PLEKHA2: variants seen among roughly 807,000 people sequenced by gnomAD.
The protein encoded by PLEKHA2 is pleckstrin homology domain-containing family A member 2.
In PLEKHA2, 28 loss-of-function variants were observed where a neutral mutation model predicts 53.2. The ratio of observed to expected loss-of-function variants is 0.53; its 90% CI spans 0.39 to 0.72. PLEKHA2 has a LOEUF of 0.72. Ranked by LOEUF, PLEKHA2 falls within the 30% of genes least tolerant of loss-of-function variation. PLEKHA2 has a pLI of 0.00. For missense variants in PLEKHA2, 426 were observed against 537.9 expected, an observed-to-expected ratio of 0.79 and a Z score of 2.06; for synonymous variants, 193 against 196.4, an observed-to-expected ratio of 0.98 and a Z score of 0.14.
chr8:38,950,831 T>C lies in PLEKHA2; in HGVS notation c.346-19T>C, dbSNP rs1230121427. The C allele has an allele frequency of 6.2e-7, 1 of 1,608,062 alleles. No homozygotes were observed. Among genetic ancestry groups the C allele is most frequent in the African/African-American group, 1.3e-5 (1 of 74,790 alleles). ...TAAATGTTCTGTTCCCCATTGATTG[T>C]TGCTGCCGCTCACCCCAGGTTCCCA... is the stretch of plus-strand genomic sequence containing the variant. On this transcript the variant is annotated intron_variant, in intron 5 of 11. Coordinates refer to ENST00000617275, the MANE Select transcript of PLEKHA2 (RefSeq NM_021623.2).
At chr8:38,907,652 T>G (rs994668231) in intron 1 of PLEKHA2, among the ~76,000 whole-genome samples, 1 of 151,254 alleles carries the variant, frequency 6.6e-6, no homozygotes, top group African/African-American at 2.4e-5. Context: ...TCCCAGCCAC[T>G]CAGGAGGCTG....
chr8:38,935,408 C>G (rs989877064), intron 2 of PLEKHA2, among the ~76,000 whole-genome samples: 9 of 151,246 alleles, frequency 6.0e-5, no homozygotes, highest in African/African-American at 2.2e-4. Context: ...GGTTAAGGAA[C>G]TTGTTCACAG....
intron 1 of PLEKHA2, among the ~76,000 whole-genome samples, chr8:38,909,007 G>A (rs1382144729): frequency 1.3e-5 from 2 of 152,146 alleles, no homozygotes; most frequent in Non-Finnish European, 2.9e-5. Flanking sequence ...GCTGGGCGTG[G>A]TGGTGCACGC....
At position 38,950,918 on chromosome 8, in the gene PLEKHA2, G is replaced by T. The variant is rs528896922; in HGVS notation, c.414G>T (p.Leu138=). 5 of 1,614,010 alleles carry T rather than the reference G, an allele frequency of 3.1e-6. No homozygotes were observed. The Admixed American group carries it at 8.3e-5, about 27-fold the overall frequency. Residue 138 remains leucine (L), a synonymous_variant, in exon 6 of 12, where the codon CTG becomes CTT. Transcript: ENST00000617275. ...VLKSLAAPPA[L]EKKPQVAYKT... is the part of the protein sequence containing the mutation. Reference sequence around the variant, plus strand: ...AGAGCTTAGCAGCTCCTCCAGCCCTGGAGAAGAAGCCACAGGTGGCCTACA... The same window carrying T: ...AGAGCTTAGCAGCTCCTCCAGCCCTTGAGAAGAAGCCACAGGTGGCCTACA...
chr8:38,934,811 C>T (rs1834461857), intron 2 of PLEKHA2, among the ~76,000 whole-genome samples: 1 of 132,564 alleles, frequency 7.5e-6, no homozygotes, highest in African/African-American at 2.8e-5. Flanking sequence ...ATGGGCTGAA[C>T]AGATGTATAT....
chr8:38,936,995 C>T (rs960722482), intron 3 of PLEKHA2, among the ~76,000 whole-genome samples: 5 of 152,330 alleles, frequency 3.3e-5, no homozygotes, highest in East Asian at 1.9e-4. Flanking sequence ...AAGGGTCTAT[C>T]GGCTCCATCT....
intron 10 of PLEKHA2, among the ~76,000 whole-genome samples, chr8:38,965,452 C>T (rs965938639): frequency 6.6e-6 from 1 of 152,162 alleles, no homozygotes; most frequent in Non-Finnish European, 1.5e-5. Context: ...ATGTTCCTGT[C>T]TGTTTAATGA....
intron 9 of PLEKHA2, among the ~76,000 whole-genome samples, chr8:38,955,572 A>C (rs962250278): frequency 2.0e-5 from 3 of 152,110 alleles, no homozygotes; most frequent in Non-Finnish European, 4.4e-5. Context: ...ATTCTCAAAC[A>C]TCTCTTCCCT....
chr8:38,941,477 T>C (rs1834612171), intron 3 of PLEKHA2, among the ~76,000 whole-genome samples: 1 of 152,250 alleles, frequency 6.6e-6, no homozygotes, highest in Non-Finnish European at 1.5e-5. Flanking sequence ...TATAATGTTA[T>C]GTAGGCATTC....
intron 10 of PLEKHA2, among the ~76,000 whole-genome samples, chr8:38,966,908 G>C (rs1413778408): frequency 6.6e-6 from 1 of 151,742 alleles, no homozygotes; most frequent in East Asian, 1.9e-4. Flanking sequence ...ATTGTGCATC[G>C]TACGCATCAA....
intron 5 of PLEKHA2, among the ~76,000 whole-genome samples, chr8:38,948,504 C>T (rs369142342): frequency 6.6e-6 from 1 of 152,034 alleles, no homozygotes; most frequent in Non-Finnish European, 1.5e-5. Flanking sequence ...AAATAGAAGG[C>T]GGAATTTCTG....
chr8:38,912,176 T>A (rs530543063), intron 1 of PLEKHA2, among the ~76,000 whole-genome samples: 1 of 152,190 alleles, frequency 6.6e-6, no homozygotes, highest in African/African-American at 2.4e-5. Context: ...TGGCACACGC[T>A]GTAATCCCAG....
chr8:38,910,721 A>G (rs1833942283), intron 1 of PLEKHA2, among the ~76,000 whole-genome samples: 1 of 152,244 alleles, frequency 6.6e-6, no homozygotes, highest in African/African-American at 2.4e-5. Context: ...GAAGAAATAA[A>G]GCATGAAAAT....
chr8:38,958,916 G>A (rs1312540375), intron 10 of PLEKHA2, among the ~76,000 whole-genome samples: 1 of 152,152 alleles, frequency 6.6e-6, no homozygotes, highest in Non-Finnish European at 1.5e-5. Flanking sequence ...GGAGTGCTGG[G>A]GGAGATGGAG....
At chr8:38,953,693 C>T (rs867768283) in intron 9 of PLEKHA2, among the ~76,000 whole-genome samples, 2 of 152,264 alleles carry the variant, frequency 1.3e-5, no homozygotes, top group African/African-American at 2.4e-5. Context: ...ATGCTCAATC[C>T]CTAGCAGAAC....
At chr8:38,967,780 G>C (rs977345623) in intron 10 of PLEKHA2, among the ~76,000 whole-genome samples, 1 of 151,500 alleles carries the variant, frequency 6.6e-6, no homozygotes, top group Non-Finnish European at 1.5e-5. Context: ...TCCTGCCTCA[G>C]CCTCCCAAAT....
chr8:38,935,980 T>G lies in PLEKHA2; in HGVS notation c.142-14T>G. The G allele has an allele frequency of 6.2e-7, 1 of 1,612,722 alleles. No individual in the cohort carries two copies. Among genetic ancestry groups the G allele is most frequent in the Non-Finnish European group, 8.5e-7 (1 of 1,178,980 alleles). On this transcript the variant is annotated splice_polypyrimidine_tract_variant and intron_variant, in intron 2 of 11. Coordinates refer to ENST00000617275, the MANE Select transcript of PLEKHA2 (RefSeq NM_021623.2). ...TCCACAGCCTTCTTAAAATGAAAAC[T>G]ATGTGTCTTTCAGAATCTGGCAATG...
At chr8:38,957,008 T>G (rs1423607522) in intron 9 of PLEKHA2, among the ~76,000 whole-genome samples, 1 of 152,048 alleles carries the variant, frequency 6.6e-6, no homozygotes, top group African/African-American at 2.4e-5. Context: ...AAGGAAACTG[T>G]AGGAGATGGT....
At chr8:38,947,458 AT>A (rs1205033553) in intron 5 of PLEKHA2, among the ~76,000 whole-genome samples, 1 of 152,106 alleles carries the variant, frequency 6.6e-6, no homozygotes, top group East Asian at 1.9e-4. Context: ...CTCAAAAAAA[AT>A]AAAAAATAAA....
Sources: gnomAD v4.1 joint callset for allele counts (sites outside exome capture counted in the v4.1 genomes callset) on GRCh38, gnomAD v4.1.1 for gene constraint, MANE v1.5 for transcripts, NCBI Gene and HGNC (gene_info 2026-07-23, HGNC 2026-07-21) for gene names.